TRIM55: variants seen among roughly 807,000 people sequenced by gnomAD.
The protein encoded by TRIM55 is tripartite motif containing 55, also known as tripartite motif-containing protein 55.
TRIM55 carries 50 observed loss-of-function variants against 60.9 expected under a neutral mutation model. The ratio of observed to expected loss-of-function variants is 0.82; its 90% CI spans 0.65 to 1.04. TRIM55 has a LOEUF of 1.04. Ranked by LOEUF, TRIM55 falls within the 50% of genes least tolerant of loss-of-function variation. TRIM55 has a pLI of 0.00. For missense variants in TRIM55, 681 were observed against 666.9 expected, an observed-to-expected ratio of 1.02 and a Z score of -0.23; for synonymous variants, 237 against 238.1, an observed-to-expected ratio of 1.00 and a Z score of 0.04.
chr8:66,127,439 A>G lies in TRIM55; in HGVS notation c.168+3A>G, dbSNP rs568875002. 2.1e-5 allele frequency: 32 copies of G among 1,507,948 alleles called. No individual in the cohort carries two copies. The East Asian group carries it at 7.5e-4, about 35-fold the overall frequency. 93.4% of individuals were successfully genotyped at this position (1,507,948 alleles called of 1,614,324 possible). ...AATGTGCCAGTGATATTTTCCAGGT[A>G]GGTTTGTTTGGAATTTGGTTGAGGG... is the stretch of plus-strand genomic sequence containing the variant. On this transcript the variant is annotated splice_donor_region_variant and intron_variant, in intron 1 of 9. Transcript: ENST00000315962.
intron 2 of TRIM55, among the ~76,000 whole-genome samples, chr8:66,130,862 C>T (rs1039149825): frequency 6.6e-6 from 1 of 151,610 alleles, no homozygotes; most frequent in African/African-American, 2.4e-5. Flanking sequence ...GGGGTTTCAC[C>T]GTGTTAGCCA....
intron 4 of TRIM55, 97 bp from the exon 5 acceptor site, chr8:66,149,548 C>A: frequency 1.0e-6 from 1 of 957,298 alleles, no homozygotes; most frequent in Non-Finnish European, 1.6e-6. Context: ...AAATATCCTA[C>A]ATAAGTAAAT....
chr8:66,120,790 A>C, the TRIM55 span, among the ~76,000 whole-genome samples: 1 of 152,166 alleles, frequency 6.6e-6, no homozygotes, highest in African/African-American at 2.4e-5. Flanking sequence ...TTTTGGCTCT[A>C]ATAAAACTGT....
intron 7 of TRIM55, among the ~76,000 whole-genome samples, chr8:66,150,993 T>C (rs906033197): frequency 6.6e-6 from 1 of 152,206 alleles, no homozygotes; most frequent in Non-Finnish European, 1.5e-5. Flanking sequence ...TCAGGTTGGG[T>C]ATTTGACTCT....
chr8:66,163,614 T>C (rs918332152), intron 9 of TRIM55, among the ~76,000 whole-genome samples: 3 of 152,250 alleles, frequency 2.0e-5, no homozygotes, highest in African/African-American at 7.2e-5. Flanking sequence ...AGTTTAATTC[T>C]GTTGTGGAGA....
At chr8:66,140,862 C>A (rs1809769660) in intron 4 of TRIM55, among the ~76,000 whole-genome samples, 1 of 152,190 alleles carries the variant, frequency 6.6e-6, no homozygotes, top group Admixed American at 6.5e-5. Flanking sequence ...TGGTTCCTGG[C>A]CAGGGGGTGG....
chr8:66,144,135 G>A (rs184631942), intron 4 of TRIM55, among the ~76,000 whole-genome samples: 1 of 152,292 alleles, frequency 6.6e-6, no homozygotes, highest in Non-Finnish European at 1.5e-5. Flanking sequence ...GATGGCAACA[G>A]TTCAACAATG....
At chr8:66,128,141 C>A (rs1808928776) in intron 1 of TRIM55, among the ~76,000 whole-genome samples, 163 bp from the exon 2 acceptor site, 1 of 152,080 alleles carries the variant, frequency 6.6e-6, no homozygotes, top group African/African-American at 2.4e-5. Flanking sequence ...AAGGTCTGAC[C>A]CTGTGTTTCA....
intron 9 of TRIM55, among the ~76,000 whole-genome samples, chr8:66,166,106 T>C (rs1811315458): frequency 6.6e-6 from 1 of 152,218 alleles, no homozygotes. Flanking sequence ...TTGGGGGTTT[T>C]ACCAGAAGGA....
In TRIM55 at chr8:66,139,001, T is replaced by C. The variant is rs181579575; in HGVS notation, c.603+1811T>C. Among the ~76,000 whole-genome samples the C allele has an allele frequency of 2.3e-3, 347 of 152,348 alleles. 1 individual carries two copies. Among genetic ancestry groups the C allele is most frequent in the Non-Finnish European group, 4.0e-3 (269 of 68,030 alleles). ...GCACACTATTAAAATCAATCTCGTTTCTTCTCCACACTCATATTCCTGAAA... is the reference window on the plus strand; with the variant it reads ...GCACACTATTAAAATCAATCTCGTTCCTTCTCCACACTCATATTCCTGAAA... On this transcript the variant is annotated intron_variant, in intron 4 of 9. Coordinates refer to ENST00000315962, the MANE Select transcript of TRIM55 (RefSeq NM_184085.2).
At chr8:66,114,079 G>GCCCCC in the TRIM55 span, among the ~76,000 whole-genome samples, 1 of 53,762 alleles carries the variant, frequency 1.9e-5, no homozygotes, top group Non-Finnish European at 3.9e-5. Flanking sequence ...TCGAAGGAGA[G>GCCCCC]ACACCCCCCC....
intron 2 of TRIM55, among the ~76,000 whole-genome samples, chr8:66,131,346 C>G (rs546003864): frequency 7.2e-5 from 11 of 152,316 alleles, no homozygotes; most frequent in Non-Finnish European, 1.3e-4. Context: ...AGCCTCATTC[C>G]CCAGAGTCAA....
intron 2 of TRIM55, among the ~76,000 whole-genome samples, chr8:66,128,997 T>C (rs1248370203): frequency 6.6e-6 from 1 of 152,162 alleles, no homozygotes. Flanking sequence ...GTATTTACTC[T>C]AAGGGAAGTC....
chr8:66,169,547 T>G (rs953070839), intron 9 of TRIM55, among the ~76,000 whole-genome samples: 10 of 152,234 alleles, frequency 6.6e-5, no homozygotes, highest in Non-Finnish European at 8.8e-5. Context: ...AGTAAGATTG[T>G]GTGCCTTTAG....
At position 66,128,423 on chromosome 8, in the gene TRIM55, G is replaced by T. The variant is rs775217398; in HGVS notation, c.288G>T (p.Gln96His). 1 of 1,613,844 alleles carries T rather than the reference G, an allele frequency of 6.2e-7. No individual in the cohort carries two copies. Among genetic ancestry groups the T allele is most frequent in the Admixed American group, 1.7e-5 (1 of 59,974 alleles). The change falls in exon 2 of 10, where the codon CAG becomes CAT. Residue 96 changes from glutamine to histidine, a missense_variant. By Grantham distance (24) the Gln-to-His change is conservative. Coordinates refer to ENST00000315962, the MANE Select transcript of TRIM55 (RefSeq NM_184085.2). Reference sequence around the variant, plus strand: ...ATAGACATGGGGTATATGGACTTCAGAGGAACCTGCTGGTGGAAAATATCA... The same window carrying T: ...ATAGACATGGGGTATATGGACTTCATAGGAACCTGCTGGTGGAAAATATCA... ...VLDRHGVYGLQRNLLVENIID... is the reference protein window; with the variant it reads ...VLDRHGVYGLHRNLLVENIID...
chr8:66,118,075 A>G, the TRIM55 span, among the ~76,000 whole-genome samples: 1 of 144,870 alleles, frequency 6.9e-6, no homozygotes, highest in Non-Finnish European at 1.5e-5. Context: ...AGGCTGAAGC[A>G]GGAGAATGGC....
At chr8:66,155,611 G>C (rs1810693146) in intron 9 of TRIM55, 3 of 1,556,314 alleles carry the variant, frequency 1.9e-6, no homozygotes, top group African/African-American at 1.4e-5. Context: ...CTTTCTTCTT[G>C]TTTTCTCACA....
intron 9 of TRIM55, 63 bp downstream of exon 9, chr8:66,154,397 C>A: frequency 3.9e-6 from 6 of 1,531,934 alleles, no homozygotes; most frequent in Non-Finnish European, 4.4e-6. Flanking sequence ...CTGGAACAGG[C>A]CACAGCAAGA....
At chr8:66,160,192 T>C (rs994830451) in intron 9 of TRIM55, among the ~76,000 whole-genome samples, 1 of 152,324 alleles carries the variant, frequency 6.6e-6, no homozygotes, top group South Asian at 2.1e-4. Flanking sequence ...ATTATTCTTA[T>C]GCCTTTGCAT....
Sources: gnomAD v4.1 joint callset for allele counts (sites outside exome capture counted in the v4.1 genomes callset) on GRCh38, gnomAD v4.1.1 for gene constraint, MANE v1.5 for transcripts, NCBI Gene and HGNC (gene_info 2026-07-23, HGNC 2026-07-21) for gene names.